FARS2: variants seen among roughly 807,000 people sequenced by gnomAD.
FARS2 encodes the protein phenylalanyl-tRNA synthetase 2, mitochondrial.
A neutral mutation model predicts 46.4 loss-of-function variants in FARS2; 40 were observed. The ratio of observed to expected loss-of-function variants is 0.86; its 90% CI spans 0.67 to 1.12. The LOEUF is 1.12. FARS2 is among the 50% of genes most tolerant of loss of function. FARS2 has a pLI of 0.00. For missense variants in FARS2, 513 were observed against 567.9 expected, an observed-to-expected ratio of 0.90 and a Z score of 0.98; for synonymous variants, 234 against 214.9, an observed-to-expected ratio of 1.09 and a Z score of -0.78.
At position 5,471,905 on chromosome 6, in the gene FARS2, CAAAG is replaced by C. The variant is rs1765825662; in HGVS notation, c.904+40738_904+40741del. On this transcript the variant is annotated intron_variant, in intron 4 of 6. Coordinates refer to ENST00000274680, the MANE Select transcript of FARS2 (RefSeq NM_006567.5). This position sits in a 1 kb window ranked among gnomAD's most constrained non-coding sequence, Gnocchi z 4.1. ...GGAGATCGCTAATACTGCTGAAACC[CAAAG>C]AAAGGGCATTTGCCACAGCTCAGGA... Among the ~76,000 whole-genome samples, 1 of 152,118 alleles carries C rather than the reference CAAAG, an allele frequency of 6.6e-6. No individual in the cohort carries two copies. The highest frequency in any genetic ancestry group is 6.5e-5 in the Admixed American group (1 of 15,274).
chr6:5,293,018 T>G (rs1042369403), intron 1 of FARS2, among the ~76,000 whole-genome samples: 2 of 152,172 alleles, frequency 1.3e-5, no homozygotes, highest in Non-Finnish European at 2.9e-5. Context: ...CCGCACAGAA[T>G]TCAAGTAAGA....
chr6:5,606,842 G>A (rs1397894421), intron 5 of FARS2, among the ~76,000 whole-genome samples: 5 of 152,104 alleles, frequency 3.3e-5, no homozygotes, highest in African/African-American at 4.8e-5. Flanking sequence ...GTCCATTTGC[G>A]TGTGTTTGTT....
At chr6:5,491,835 T>C (rs12212484) in intron 4 of FARS2, among the ~76,000 whole-genome samples, 18,417 of 152,246 alleles carry the variant, frequency 0.12, 1,497 homozygotes, top group Non-Finnish European at 0.17. Flanking sequence ...TAAAGCACAA[T>C]GAATTCCATG....
chr6:5,284,763 G>A (rs1364264423), intron 1 of FARS2, among the ~76,000 whole-genome samples: 2 of 152,044 alleles, frequency 1.3e-5, no homozygotes, highest in African/African-American at 4.8e-5. Context: ...CCTCTTCTGT[G>A]ATGTGAAGAG....
intron 4 of FARS2, among the ~76,000 whole-genome samples, chr6:5,540,745 A>G (rs1039492126): frequency 3.9e-5 from 6 of 152,222 alleles, no homozygotes; most frequent in South Asian, 2.1e-4. Context: ...TAATAGAAAT[A>G]TGTACAGCGT....
chr6:5,428,486 A>C (rs1166792663), intron 3 of FARS2, among the ~76,000 whole-genome samples: 1 of 152,212 alleles, frequency 6.6e-6, no homozygotes, highest in African/African-American at 2.4e-5. Context: ...CCAAATATCC[A>C]AAGCCATGTA....
chr6:5,768,959 T>TA (rs370726597), intron 6 of FARS2, among the ~76,000 whole-genome samples: 28 of 152,196 alleles, frequency 1.8e-4, no homozygotes, highest in South Asian at 1.2e-3. Context: ...TGCCTTGAAT[T>TA]AAAAAAAATG....
chr6:5,378,395 GA>G (rs1015182122), intron 2 of FARS2, among the ~76,000 whole-genome samples: 1 of 152,100 alleles, frequency 6.6e-6, no homozygotes, highest in Non-Finnish European at 1.5e-5. Flanking sequence ...ATCCTTGTCA[GA>G]AAAAACCGCT....
chr6:5,284,508 C>T lies in FARS2; in HGVS notation c.-22+22848C>T, dbSNP rs114615380. Among the ~76,000 whole-genome samples the T allele has an allele frequency of 1.8e-3, 271 of 152,258 alleles. 2 individuals carry two copies. Among genetic ancestry groups the T allele is most frequent in the Admixed American group, 3.9e-3 (59 of 15,296 alleles). The stretch of plus-strand genomic sequence containing the variant: ...GCTCTGGCTGTCGTGCAGTGTTCTT[C>T]CATGGCTTCTGGGTTCTGTTTGTTA... On this transcript the variant is annotated intron_variant, in intron 1 of 6. Coordinates refer to ENST00000274680, the MANE Select transcript of FARS2 (RefSeq NM_006567.5).
intron 4 of FARS2, among the ~76,000 whole-genome samples, chr6:5,539,293 G>T (rs559445376): frequency 1.3e-5 from 2 of 149,068 alleles, no homozygotes; most frequent in East Asian, 4.0e-4. Context: ...TGCAAGCTCT[G>T]CCTCCCTGGT....
chr6:5,382,032 C>T (rs903239824), intron 2 of FARS2, among the ~76,000 whole-genome samples: 1 of 152,196 alleles, frequency 6.6e-6, no homozygotes, highest in Non-Finnish European at 1.5e-5. Context: ...AGCATGGGTC[C>T]TGCGGGGAGC....
In FARS2 at chr6:5,728,277, G is replaced by C. The variant is rs1373185994; in HGVS notation, c.1218-43014G>C. ...TAGCCTAATAGCTGGGAATGGGCTG[G>C]TTTGGCTTGCTAATGTGCTTAGAAG... On this transcript the variant is annotated intron_variant, in intron 6 of 6. Coordinates refer to ENST00000274680, the MANE Select transcript of FARS2 (RefSeq NM_006567.5). Among the ~76,000 whole-genome samples, 24 of 152,166 alleles carry C rather than the reference G, an allele frequency of 1.6e-4. 1 individual carries two copies. The East Asian group carries it at 4.4e-3, about 28-fold the overall frequency.
At chr6:5,655,173 G>A (rs1330629582) in intron 6 of FARS2, among the ~76,000 whole-genome samples, 5 of 152,156 alleles carry the variant, frequency 3.3e-5, no homozygotes, top group South Asian at 2.1e-4. Context: ...AGGGTCCACC[G>A]TATATGCTTT....
At chr6:5,426,666 C>T (rs1269648872) in intron 3 of FARS2, among the ~76,000 whole-genome samples, 1 of 152,170 alleles carries the variant, frequency 6.6e-6, no homozygotes, top group Non-Finnish European at 1.5e-5. Flanking sequence ...TACTCTCTCA[C>T]CCAGGCTGGA....
At chr6:5,615,718 C>A (rs2150680693) in intron 6 of FARS2, among the ~76,000 whole-genome samples, 1 of 152,026 alleles carries the variant, frequency 6.6e-6, no homozygotes, top group African/African-American at 2.4e-5. Context: ...CATTGGGTTT[C>A]CTGGACCAGC....
chr6:5,498,362 C>G (rs568018861), intron 4 of FARS2, among the ~76,000 whole-genome samples: 2 of 152,218 alleles, frequency 1.3e-5, no homozygotes, highest in African/African-American at 2.4e-5. Context: ...TAAGAGTTAT[C>G]GTTCAAGAGC....
At chr6:5,254,174 T>C in the FARS2 span, among the ~76,000 whole-genome samples, 12 of 152,328 alleles carry the variant, frequency 7.9e-5, no homozygotes, top group South Asian at 4.1e-4. Context: ...ACGGCCCAAC[T>C]GTCTCCATAA....
In FARS2 at chr6:5,273,660, G is replaced by GC. The variant is rs1382424278; in HGVS notation, c.-22+12000_-22+12001insC. 7.9e-5 allele frequency among the ~76,000 whole-genome samples: 12 copies of GC among 152,260 alleles called. No homozygotes were observed. The East Asian group carries it at 2.3e-3, about 29-fold the overall frequency. On this transcript the variant is annotated intron_variant, in intron 1 of 6. Coordinates refer to ENST00000274680, the MANE Select transcript of FARS2 (RefSeq NM_006567.5). ...TTGTTGATTGTTTCCTTTGCTTACAGAAGCGTTTTTGCTTGATGTAATCTA... is the reference window on the plus strand; with the variant it reads ...TTGTTGATTGTTTCCTTTGCTTACAGCAAGCGTTTTTGCTTGATGTAATCTA...
intron 4 of FARS2, among the ~76,000 whole-genome samples, chr6:5,541,123 T>C (rs1239478052): frequency 6.6e-6 from 1 of 152,164 alleles, no homozygotes; most frequent in Non-Finnish European, 1.5e-5. Context: ...TAAATATATA[T>C]GTAAGCTATA....
Sources: gnomAD v4.1 joint callset for allele counts (sites outside exome capture counted in the v4.1 genomes callset) on GRCh38, gnomAD v4.1.1 for gene constraint, Gnocchi (gnomAD v3.1) non-coding constraint, MANE v1.5 for transcripts, NCBI Gene and HGNC (gene_info 2026-07-23, HGNC 2026-07-21) for gene names.